IRF1: variants seen among roughly 807,000 people sequenced by gnomAD.
IRF1 encodes the protein interferon regulatory factor 1.
In IRF1, 13 loss-of-function variants were observed where a neutral mutation model predicts 43.7. That is an observed-to-expected ratio of 0.30 (90% CI 0.19 to 0.47). The LOEUF is 0.47. IRF1 is among the 20% of genes least tolerant of loss of function. IRF1 has a pLI of 0.99. For synonymous variants in IRF1, 138 were observed against 146.8 expected (o/e 0.94, Z 0.43); for missense variants, 236 against 408.9 (o/e 0.58, Z 3.65).
At chr5:132,489,543 C>T in intron 1 of IRF1, 60 bp from the exon 2 acceptor site, 1 of 1,350,734 alleles carries the variant, frequency 7.4e-7, no homozygotes, top group South Asian at 1.2e-5. Flanking sequence ...TGGGCAGTGA[C>T]CTGCCCCACC....
intron 2 of IRF1, chr5:132,488,241 G>A: frequency 1.8e-6 from 1 of 541,916 alleles, no homozygotes; most frequent in Non-Finnish European, 3.3e-6. Context: ...TGGATGAGCT[G>A]CAGCATTATT....
chr5:132,485,866 A>C (rs10053046), intron 7 of IRF1, 150 bp from the exon 8 acceptor site: 14 of 659,416 alleles, frequency 2.1e-5, no homozygotes, highest in Non-Finnish European at 3.9e-5. Context: ...CGGTGGACCT[A>C]TCTGCCATAG....
intron 7 of IRF1, 33 bp downstream of exon 7, chr5:132,486,218 C>A: frequency 6.2e-7 from 1 of 1,610,250 alleles, no homozygotes; most frequent in South Asian, 1.1e-5. Context: ...CCCAGACAGT[C>A]AAGCAGGCAG....
Position 132,483,576 on chromosome 5 carries a change from T to C in IRF1, c.*375A>G, listed in dbSNP as rs921418414. ...AGTGCAGAGCCAGCCCTGGGATTGGTGTTATGCTTTTCTGGGGTCACTGGT... is the reference window on the plus strand; with the variant it reads ...AGTGCAGAGCCAGCCCTGGGATTGGCGTTATGCTTTTCTGGGGTCACTGGT... On this transcript the variant is annotated 3_prime_UTR_variant, in exon 10 of 10. Coordinates refer to ENST00000245414, the MANE Select transcript of IRF1 (RefSeq NM_002198.3). 4 of 197,838 alleles carry C rather than the reference T, an allele frequency of 2.0e-5. No homozygotes were observed. Among genetic ancestry groups the C allele is most frequent in the African/African-American group, 7.0e-5 (3 of 42,806 alleles). The allele number at this position is 197,838 out of a possible 1,614,324, so 12.3% of individuals were successfully genotyped here.
At position 132,486,786 on chromosome 5, in the gene IRF1, C is replaced by G. The variant is rs1211568265; in HGVS notation, c.414+9G>C. 2 of 1,614,218 alleles carry G rather than the reference C, an allele frequency of 1.2e-6. No homozygotes were observed. Among genetic ancestry groups the G allele is most frequent in the Non-Finnish European group, 1.7e-6 (2 of 1,180,038 alleles). Reference sequence around the variant, plus strand: ...GACCAAAGGCCTGGCTGCTTAGGACCACACTCACCTTCCTCTTGGCCTTGC... The same window carrying G: ...GACCAAAGGCCTGGCTGCTTAGGACGACACTCACCTTCCTCTTGGCCTTGC... On this transcript the variant is annotated intron_variant, in intron 5 of 9. Transcript: ENST00000245414.
At chr5:132,489,744 C>T in intron 1 of IRF1, 1 of 399,372 alleles carries the variant, frequency 2.5e-6, no homozygotes, top group Non-Finnish European at 4.7e-6. Flanking sequence ...GTGATGGCTT[C>T]AGGATTCATA....
intron 6 of IRF1, 43 bp from the exon 7 acceptor site, chr5:132,486,416 T>G (rs763111796): frequency 1.9e-6 from 3 of 1,609,964 alleles, no homozygotes; most frequent in Non-Finnish European, 2.5e-6. Context: ...GTGTGCTTTC[T>G]TAGTTTGCAA....
intron 1 of IRF1, chr5:132,489,700 TC>T (rs1450587706): frequency 2.0e-6 from 1 of 492,862 alleles, no homozygotes; most frequent in Non-Finnish European, 3.8e-6. Context: ...CTTCAGCCCC[TC>T]CCAGCCAGTC....
Position 132,483,830 on chromosome 5 carries a change from T to G in IRF1, c.*121A>C. ...CCAAGGAGGGAGGCCCCATCCCCAC[T>G]TGGCAGTGGGGTCACACTTGGCTGT... On this transcript the variant is annotated 3_prime_UTR_variant, in exon 10 of 10. Transcript: ENST00000245414. The G allele has an allele frequency of 2.3e-6, 3 of 1,293,608 alleles. No homozygotes were observed. Among genetic ancestry groups the G allele is most frequent in the South Asian group, 2.8e-5 (2 of 71,460 alleles). The allele number at this position is 1,293,608 out of a possible 1,614,324, so 80.1% of individuals were successfully genotyped here. A position where few individuals can be genotyped will look rare whatever the true frequency, so the allele number is the denominator to read the frequency against.
chr5:132,484,024 T>C lies in IRF1; in HGVS notation c.905A>G (p.Asp302Gly). The change falls in exon 10 of 10, where the codon GAT (aspartate) becomes GGT (glycine). Residue 302 changes from aspartate (D) to glycine (G), a missense_variant. Physicochemically the swap from Asp to Gly is moderately conservative, Grantham distance 94. Around this residue, in one of 2 missense-constraint regions of IRF1, gnomAD observed 170 missense variants for 251.8 expected, o/e 0.68. Coordinates refer to ENST00000245414, the MANE Select transcript of IRF1 (RefSeq NM_002198.3). ...QRVFTDLKNM[D>G]ATWLDSLLTP... ...CAGCAGGCTGTCCAGCCAGGTGGCA[T>C]CCATGTTCTTCAGATCTGTGAAGAC... 1 of 1,614,016 alleles carries C rather than the reference T, an allele frequency of 6.2e-7. No individual in the cohort carries two copies. The highest frequency in any genetic ancestry group is 8.5e-7 in the Non-Finnish European group (1 of 1,179,992).
At chr5:132,485,530 T>C in intron 8 of IRF1, 137 bp downstream of exon 8, 1 of 778,884 alleles carries the variant, frequency 1.3e-6, no homozygotes, top group Non-Finnish European at 2.3e-6. Context: ...GCCACGTGAA[T>C]GTGGCACTTG....
rs1754443776 is a variant in IRF1 at position 132,483,581 on chromosome 5, T to C, written c.*370A>G. 2 of 202,404 alleles carry C rather than the reference T, an allele frequency of 9.9e-6. No individual in the cohort carries two copies. The highest frequency in any genetic ancestry group is 2.1e-5 in the Non-Finnish European group (2 of 97,512). The allele number at this position is 202,404 out of a possible 1,614,324, so 12.5% of individuals were successfully genotyped here. On this transcript the variant is annotated 3_prime_UTR_variant, in exon 10 of 10. Transcript: ENST00000245414. The stretch of plus-strand genomic sequence containing the variant: ...AGAGCCAGCCCTGGGATTGGTGTTA[T>C]GCTTTTCTGGGGTCACTGGTCTGTT...
At position 132,484,473 on chromosome 5, in the gene IRF1, G is replaced by A; in HGVS notation, c.742C>T (p.Pro248Ser). ...TACCCCTTCCCATCCACGTTTGTTG[G>A]CTGCCACTCCGACTGCTCCAAGAGC... ...MKLLEQSEWQ[P>S]TNVDGKGYLL... The change falls in exon 9 of 10, where the codon CCA becomes TCA. Residue 248 changes from proline to serine, a missense_variant. This residue lies in a region of IRF1 where 170 missense variants were observed against 251.8 expected (regional missense o/e 0.68). Transcript: ENST00000245414. The A allele has an allele frequency of 6.2e-7, 1 of 1,614,150 alleles. No individual in the cohort carries two copies. The highest frequency in any genetic ancestry group is 1.3e-5 in the African/African-American group (1 of 75,036).
intron 2 of IRF1, 154 bp downstream of exon 2, chr5:132,489,227 AGGCCCAGGCTG>A: frequency 1.7e-6 from 1 of 596,734 alleles, no homozygotes; most frequent in East Asian, 2.9e-5. Context: ...CATGCAAGTG[AGGCCCAGGCTG>A]GGCCGTGCAC....
Position 132,486,655 on chromosome 5 carries a change from G to A in IRF1, c.446C>T (p.Ser149Phe). The change falls in exon 6 of 10, where the codon TCT (serine) becomes TTT (phenylalanine). Residue 149 changes from serine to phenylalanine, a missense_variant. Transcript: ENST00000245414. ...SCGDSSPDTF[S>F]DGLSSSTLPD... ...CAGAGTGGAGCTGCTGAGTCCATCA[G>A]AGAAGGTATCAGGGCTGGAATCCCC... 6.2e-7 allele frequency: 1 copy of A among 1,614,172 alleles called. No homozygotes were observed. The highest frequency in any genetic ancestry group is 1.1e-5 in the South Asian group (1 of 91,072).
chr5:132,485,612 T>C (rs1233784627), intron 8 of IRF1, 55 bp downstream of exon 8: 1 of 1,360,964 alleles, frequency 7.3e-7, no homozygotes, highest in East Asian at 2.3e-5. Flanking sequence ...ACTGGTTCTC[T>C]CTCCTCACTG....
chr5:132,489,513 G>T lies in IRF1; in HGVS notation c.-5-30C>A, dbSNP rs1264955302. 1.9e-6 allele frequency: 3 copies of T among 1,582,900 alleles called. No individual in the cohort carries two copies. The South Asian group carries it at 3.3e-5, about 18-fold the overall frequency. ...AAAGAGAACACAGAGGCTCCAGTCT[G>T]GAATCTGTTGAACAGTACCTGGGCA... On this transcript the variant is annotated intron_variant, in intron 1 of 9. Transcript: ENST00000245414.
intron 8 of IRF1, chr5:132,485,112 A>G (rs1754484731): frequency 6.4e-6 from 1 of 155,700 alleles, no homozygotes; most frequent in African/African-American, 2.4e-5. Flanking sequence ...GGGTTTCACC[A>G]TGTTAGTCAG....
At position 132,481,799 on chromosome 5, in the gene IRF1, C is replaced by T. The variant is rs993126009; in HGVS notation, c.*2152G>A. 6.6e-6 allele frequency: 1 copy of T among 152,350 alleles called. No individual in the cohort carries two copies. Among genetic ancestry groups the T allele is most frequent in the African/African-American group, 2.4e-5 (1 of 41,442 alleles). 9.4% of individuals were successfully genotyped at this position (152,350 alleles called of 1,614,324 possible). A position where few individuals can be genotyped will look rare whatever the true frequency, so the allele number is the denominator to read the frequency against. On this transcript the variant is annotated 3_prime_UTR_variant, in exon 10 of 10. Coordinates refer to ENST00000245414, the MANE Select transcript of IRF1 (RefSeq NM_002198.3). Reference sequence around the variant, plus strand: ...TACCCAGCACAGCAGCCGTGAGGACCTTTCTTGGGCTGCTGACTGTTCTGT... The same window carrying T: ...TACCCAGCACAGCAGCCGTGAGGACTTTTCTTGGGCTGCTGACTGTTCTGT...
Sources: gnomAD v4.1 joint callset for allele counts on GRCh38, gnomAD v4.1.1 for gene constraint, gnomAD v4.1.1 regional missense constraint, MANE v1.5 for transcripts, NCBI Gene and HGNC (gene_info 2026-07-23, HGNC 2026-07-21) for gene names.